Variants in MACROD2 observed in about 807,000 individuals in gnomAD.
MACROD2 encodes the protein ADP-ribose glycohydrolase MACROD2.
Under a neutral mutation model 70.4 loss-of-function variants are expected in MACROD2, and 36 were observed. The ratio of observed to expected loss-of-function variants is 0.51; its 90% CI spans 0.39 to 0.68. The LOEUF is 0.68. Among genes scored for constraint, MACROD2 ranks in the 30% least tolerant of loss-of-function variants. The pLI is 0.00. For missense variants in MACROD2, 496 were observed against 538.4 expected, an observed-to-expected ratio of 0.92 and a Z score of 0.78; for synonymous variants, 172 against 178.8, an observed-to-expected ratio of 0.96 and a Z score of 0.30.
chr20:15,679,630 T>A (rs2050132886), intron 8 of MACROD2, among the ~76,000 whole-genome samples: 1 of 152,148 alleles, frequency 6.6e-6, no homozygotes, highest in African/African-American at 2.4e-5. Flanking sequence ...AGCTGCCCTG[T>A]GAGAAGCCTA....
intron 3 of MACROD2, among the ~76,000 whole-genome samples, chr20:14,484,600 C>G (rs1168822841): frequency 6.8e-6 from 1 of 147,304 alleles, no homozygotes; most frequent in African/African-American, 2.5e-5. Context: ...AATACCCTTT[C>G]CAGTGTCTGG....
At chr20:15,143,856 G>A (rs2145850597) in intron 5 of MACROD2, among the ~76,000 whole-genome samples, 1 of 149,960 alleles carries the variant, frequency 6.7e-6, no homozygotes, top group South Asian at 2.1e-4. Flanking sequence ...GAGAAGGGGT[G>A]TTCAATCTTT....
chr20:15,630,414 C>T (rs1289370687), intron 8 of MACROD2, among the ~76,000 whole-genome samples: 1 of 152,214 alleles, frequency 6.6e-6, no homozygotes, highest in East Asian at 1.9e-4. Context: ...ACAAATGAGC[C>T]TTGACTTGAG....
intron 8 of MACROD2, among the ~76,000 whole-genome samples, chr20:15,605,963 A>G (rs1714140372): frequency 6.6e-6 from 1 of 152,216 alleles, no homozygotes; most frequent in Non-Finnish European, 1.5e-5. Context: ...AATTCAGCAT[A>G]TAACACAGTG....
chr20:14,174,569 A>C (rs2081248339), intron 3 of MACROD2, among the ~76,000 whole-genome samples: 1 of 152,166 alleles, frequency 6.6e-6, no homozygotes, highest in African/African-American at 2.4e-5. Context: ...AACAGGGCTA[A>C]GAACTTGCCC....
chr20:15,919,254 A>G (rs1292936701), intron 10 of MACROD2, among the ~76,000 whole-genome samples: 1 of 152,190 alleles, frequency 6.6e-6, no homozygotes, highest in African/African-American at 2.4e-5. Context: ...TGTCTGTACC[A>G]TTGTACATAC....
At chr20:15,651,035 T>G (rs1051589707) in intron 8 of MACROD2, among the ~76,000 whole-genome samples, 3 of 152,236 alleles carry the variant, frequency 2.0e-5, no homozygotes, top group Admixed American at 6.5e-5. Flanking sequence ...TATTTTTGCT[T>G]GGAGAATATC....
chr20:14,180,691 T>A (rs921261315), intron 3 of MACROD2, among the ~76,000 whole-genome samples: 6 of 152,052 alleles, frequency 3.9e-5, no homozygotes, highest in Non-Finnish European at 7.4e-5. Flanking sequence ...ATTTTTCTGT[T>A]TATGTTAGTT....
At chr20:14,560,216 T>C (rs1979331469) in intron 4 of MACROD2, among the ~76,000 whole-genome samples, 1 of 151,606 alleles carries the variant, frequency 6.6e-6, no homozygotes, top group Non-Finnish European at 1.5e-5. Context: ...ATTTTAAATA[T>C]GTTAAAAGCA....
chr20:15,873,688 A>AGAAG lies in MACROD2; in HGVS notation c.727+10881_727+10884dup, dbSNP rs530304658. Among the ~76,000 whole-genome samples the AGAAG allele has an allele frequency of 1.4e-4, 21 of 152,090 alleles. No individual in the cohort carries two copies. In the South Asian group the frequency reaches 3.3e-3, roughly 24 times the overall value. On this transcript the variant is annotated intron_variant, in intron 9 of 17. Coordinates refer to ENST00000684519, the MANE Select transcript of MACROD2 (RefSeq NM_001351661.2). ...AGATTTTAAAATATATAAAAAAGAA[A>AGAAG]GAAGGAAGGAAGGAAGGAAGGAGAA... is the stretch of plus-strand genomic sequence containing the variant.
intron 5 of MACROD2, among the ~76,000 whole-genome samples, chr20:15,186,827 C>G (rs1395286673): frequency 6.6e-6 from 1 of 150,510 alleles, no homozygotes; most frequent in Admixed American, 6.6e-5. Flanking sequence ...TTGCGGATAT[C>G]TTAGAAGTCT....
intron 3 of MACROD2, among the ~76,000 whole-genome samples, chr20:14,318,187 C>T (rs2082629611): frequency 6.6e-6 from 1 of 152,126 alleles, no homozygotes; most frequent in Non-Finnish European, 1.5e-5. Flanking sequence ...CCCCAACATA[C>T]ATTCAACAGG....
chr20:15,461,633 A>T (rs1432854059), intron 7 of MACROD2, among the ~76,000 whole-genome samples: 1 of 152,208 alleles, frequency 6.6e-6, no homozygotes, highest in Non-Finnish European at 1.5e-5. Flanking sequence ...TTGTATGATC[A>T]TTTGAAACTT....
intron 7 of MACROD2, among the ~76,000 whole-genome samples, chr20:15,441,179 C>T (rs2146374906): frequency 6.6e-6 from 1 of 152,244 alleles, no homozygotes; most frequent in African/African-American, 2.4e-5. Flanking sequence ...ACAAGTTTAG[C>T]TAACATTCTC....
In MACROD2 at chr20:15,640,379, A is replaced by G. The variant is rs370601363; in HGVS notation, c.645+140532A>G. Among the ~76,000 whole-genome samples, 46 of 152,290 alleles carry G rather than the reference A, an allele frequency of 3.0e-4. 1 individual carries two copies. In the East Asian group the frequency reaches 6.0e-3, roughly 20 times the overall value. On this transcript the variant is annotated intron_variant, in intron 8 of 17. Transcript: ENST00000684519. ...CAAAGACGGTGAGACCCAGGTACAG[A>G]CGCAGAGTGACAAGAGTTGGGAAGA... is the stretch of plus-strand genomic sequence containing the variant.
chr20:14,600,377 C>CTA (rs934662199), intron 4 of MACROD2, among the ~76,000 whole-genome samples: 8 of 144,630 alleles, frequency 5.5e-5, no homozygotes, highest in African/African-American at 2.1e-4. Context: ...AATATATATA[C>CTA]TATATATACA....
In MACROD2 at chr20:15,880,677, A is replaced by C. The variant is rs190960953; in HGVS notation, c.728-5087A>C. Among the ~76,000 whole-genome samples the C allele has an allele frequency of 1.9e-4, 29 of 152,146 alleles. No homozygotes were observed. The East Asian group carries it at 4.1e-3, about 21-fold the overall frequency. On this transcript the variant is annotated intron_variant, in intron 9 of 17. Transcript: ENST00000684519. ...GGTACTTATATGCAAATTGTCCATC[A>C]TTTGAGAAAGGCTCAACCCTAAAGG...
At chr20:15,398,079 T>C (rs1188646422) in intron 6 of MACROD2, among the ~76,000 whole-genome samples, 1 of 152,156 alleles carries the variant, frequency 6.6e-6, no homozygotes, top group Non-Finnish European at 1.5e-5. Flanking sequence ...GGCTGAATAT[T>C]CTGGAAATCC....
chr20:15,348,367 T>C (rs1450063230), intron 6 of MACROD2, among the ~76,000 whole-genome samples: 2 of 152,226 alleles, frequency 1.3e-5, no homozygotes, highest in Non-Finnish European at 2.9e-5. Flanking sequence ...AGAGGTAAAC[T>C]TGTACTGTAT....
Sources: gnomAD v4.1 joint callset for allele counts (sites outside exome capture counted in the v4.1 genomes callset) on GRCh38, gnomAD v4.1.1 for gene constraint, MANE v1.5 for transcripts, NCBI Gene and HGNC (gene_info 2026-07-23, HGNC 2026-07-21) for gene names.